The following MTF2 variants were observed in gnomAD, a reference collection of about 807,000 sequenced individuals.
The protein encoded by MTF2 is metal response element binding transcription factor 2, also known as metal-response element-binding transcription factor 2.
MTF2 carries 11 observed loss-of-function variants against 79.5 expected under a neutral mutation model. The ratio of observed to expected loss-of-function variants is 0.14; its 90% CI spans 0.09 to 0.23. MTF2 has a LOEUF of 0.23. Among genes scored for constraint, MTF2 ranks in the 10% least tolerant of loss-of-function variants. MTF2 has a pLI of 1.00. For synonymous variants in MTF2, 208 were observed against 232.8 expected (o/e 0.89, Z 0.97); for missense variants, 486 against 711.2 (o/e 0.68, Z 3.60).
At chr1:93,094,869 A>G (rs980080662) in intron 1 of MTF2, among the ~76,000 whole-genome samples, 3 of 152,206 alleles carry the variant, frequency 2.0e-5, no homozygotes, top group Admixed American at 2.0e-4. Context: ...ATATATTTAT[A>G]GAGAAAGTTT....
intron 14 of MTF2, among the ~76,000 whole-genome samples, chr1:93,135,706 G>A (rs1647360771): frequency 6.6e-6 from 1 of 152,208 alleles, no homozygotes. Flanking sequence ...TAGATAATCA[G>A]GAAGCTGAGG....
At chr1:93,119,886 A>G (rs1656400697) in intron 8 of MTF2, 1 of 152,928 alleles carries the variant, frequency 6.5e-6, no homozygotes, top group Non-Finnish European at 1.5e-5. Context: ...TAGTTTGGTT[A>G]AGTATGGTAT....
At chr1:93,103,009 G>A (rs1316421355) in intron 1 of MTF2, among the ~76,000 whole-genome samples, 3 of 151,944 alleles carry the variant, frequency 2.0e-5, no homozygotes, top group Non-Finnish European at 4.4e-5. Context: ...GTGGGCGCCT[G>A]TAGTCTCAGC....
intron 13 of MTF2, 35 bp downstream of exon 13, chr1:93,134,015 T>C: frequency 6.4e-7 from 1 of 1,556,758 alleles, no homozygotes; most frequent in Non-Finnish European, 8.8e-7. Context: ...TTTCTAGGTT[T>C]TGTCTTTTGA....
At chr1:93,114,354 A>G (rs1404095673) in intron 3 of MTF2, among the ~76,000 whole-genome samples, 1 of 152,254 alleles carries the variant, frequency 6.6e-6, no homozygotes, top group African/African-American at 2.4e-5. Context: ...AGTGTTCACA[A>G]ACCTTCTCTA....
intron 5 of MTF2, 21 bp from the exon 6 acceptor site, chr1:93,115,449 A>G: frequency 1.4e-5 from 21 of 1,518,564 alleles, no homozygotes; most frequent in Non-Finnish European, 1.9e-5. Context: ...ACTCTTTCAC[A>G]TTTTTTTCCC....
At chr1:93,118,613 G>C (rs1656346508) in intron 7 of MTF2, among the ~76,000 whole-genome samples, 173 bp downstream of exon 7, 1 of 152,032 alleles carries the variant, frequency 6.6e-6, no homozygotes, top group Non-Finnish European at 1.5e-5. Flanking sequence ...TGTGCTTTTG[G>C]ATTTTATTCC....
At chr1:93,121,188 T>C (rs1656461060) in intron 9 of MTF2, 1 of 983,526 alleles carries the variant, frequency 1.0e-6, no homozygotes, top group Non-Finnish European at 1.2e-6. Flanking sequence ...GACATCTCAT[T>C]TTGCTTCTCA....
chr1:93,126,301 G>A (rs1656695047), intron 9 of MTF2, among the ~76,000 whole-genome samples: 1 of 151,918 alleles, frequency 6.6e-6, no homozygotes, highest in South Asian at 2.1e-4. Flanking sequence ...CTTTATATTT[G>A]TTAACTCGTG....
At chr1:93,114,898 A>C in intron 4 of MTF2, 90 bp from the exon 5 acceptor site, 1 of 1,218,808 alleles carries the variant, frequency 8.2e-7, no homozygotes, top group African/African-American at 1.5e-5. Flanking sequence ...AATTATATTA[A>C]TGTAGGAAAT....
intron 1 of MTF2, among the ~76,000 whole-genome samples, chr1:93,080,194 G>A (rs1176714351): frequency 6.6e-6 from 1 of 152,144 alleles, no homozygotes; most frequent in African/African-American, 2.4e-5. Context: ...CTTTTCTTGT[G>A]TTTAATTAAA....
chr1:93,118,261 CTTT>C (rs34049352), intron 6 of MTF2, 81 bp from the exon 7 acceptor site: 8,269 of 497,760 alleles, frequency 0.017, no homozygotes, highest in South Asian at 0.026. Flanking sequence ...GATTAGGCCA[CTTT>C]TTTTTTTTTT....
chr1:93,115,455 T>C lies in MTF2; in HGVS notation c.484-15T>C. Reference sequence around the variant, plus strand: ...TTAGCCTTCACTCTTTCACATTTTTTTCCCTCTAATGTAGAGGGGTGGTGC... The same window carrying C: ...TTAGCCTTCACTCTTTCACATTTTTCTCCCTCTAATGTAGAGGGGTGGTGC... On this transcript the variant is annotated splice_polypyrimidine_tract_variant and intron_variant, in intron 5 of 14. Transcript: ENST00000370298. 6.5e-7 allele frequency: 1 copy of C among 1,530,570 alleles called. No homozygotes were observed. The highest frequency in any genetic ancestry group is 8.8e-7 in the Non-Finnish European group (1 of 1,138,020). The allele number at this position is 1,530,570 out of a possible 1,614,324, so 94.8% of individuals were successfully genotyped here. A position where few individuals can be genotyped will look rare whatever the true frequency, so the allele number is the denominator to read the frequency against.
At chr1:93,090,177 C>G (rs567643752) in intron 1 of MTF2, among the ~76,000 whole-genome samples, 1 of 152,140 alleles carries the variant, frequency 6.6e-6, no homozygotes, top group Non-Finnish European at 1.5e-5. Flanking sequence ...GGGGTTTCAC[C>G]GTGTTAGACA....
chr1:93,089,710 G>T (rs763324933), intron 1 of MTF2, among the ~76,000 whole-genome samples: 1 of 152,060 alleles, frequency 6.6e-6, no homozygotes, highest in South Asian at 2.1e-4. Context: ...TCACCGCTAT[G>T]CCTGGCTTAA....
chr1:93,111,358 A>G (rs79580106), intron 3 of MTF2, among the ~76,000 whole-genome samples: 150 of 152,292 alleles, frequency 9.8e-4, no homozygotes, highest in African/African-American at 3.5e-3. Flanking sequence ...ATAGGCCTAC[A>G]CTAAGACCCG....
intron 1 of MTF2, among the ~76,000 whole-genome samples, chr1:93,085,029 G>A (rs1353831276): frequency 1.3e-5 from 2 of 152,076 alleles, no homozygotes; most frequent in Non-Finnish European, 2.9e-5. Flanking sequence ...CAGTTCTGAG[G>A]ATTTTTTGAT....
intron 6 of MTF2, among the ~76,000 whole-genome samples, chr1:93,118,095 C>G (rs906852504): frequency 3.3e-5 from 5 of 151,910 alleles, no homozygotes; most frequent in African/African-American, 1.2e-4. Context: ...GCATTTTTGA[C>G]TAGAAGTAGT....
intron 1 of MTF2, among the ~76,000 whole-genome samples, chr1:93,097,811 T>C (rs942450711): frequency 5.3e-5 from 8 of 152,146 alleles, no homozygotes; most frequent in African/African-American, 1.9e-4. Flanking sequence ...TTGGCCGGGC[T>C]GGTCGCGAGC....
Sources: allele counts gnomAD v4.1 joint callset (sites outside exome capture counted in the v4.1 genomes callset), GRCh38; gene constraint gnomAD v4.1.1; transcripts MANE v1.5; gene names NCBI Gene and HGNC (gene_info 2026-07-23, HGNC 2026-07-21).